GPHN: variants seen among roughly 807,000 people sequenced by gnomAD.
GPHN encodes gephyrin.
GPHN carries 17 observed loss-of-function variants against 95.5 expected under a neutral mutation model. The observed-to-expected ratio is 0.18, with a 90% confidence interval of 0.12 to 0.27. The LOEUF is 0.27. Ranked by LOEUF, GPHN falls within the 10% of genes least tolerant of loss-of-function variation. The probability of loss-of-function intolerance (pLI) is 1.00; values close to 1 mark genes in which losing one functional copy is unlikely to be tolerated. For missense variants in GPHN, 660 were observed against 978.1 expected (o/e 0.67, Z 4.34); for synonymous variants, 320 against 322.5 (o/e 0.99, Z 0.08).
intron 10 of GPHN, among the ~76,000 whole-genome samples, chr14:67,049,117 AT>A (rs200077506): frequency 6.6e-6 from 1 of 151,602 alleles, no homozygotes; most frequent in Non-Finnish European, 1.5e-5. Context: ...TTTTTTCTCA[AT>A]TTTTTTTTCT....
At chr14:66,581,497 A>G (rs574009409) in intron 1 of GPHN, among the ~76,000 whole-genome samples, 23 of 152,172 alleles carry the variant, frequency 1.5e-4, no homozygotes, top group African/African-American at 5.3e-4. Flanking sequence ...AAAGAATTAC[A>G]AAACAACCGG....
intron 5 of GPHN, among the ~76,000 whole-genome samples, chr14:66,902,366 T>G (rs954238742): frequency 1.3e-5 from 2 of 152,100 alleles, no homozygotes; most frequent in Admixed American, 6.6e-5. Flanking sequence ...CTTTGTTTCT[T>G]TCTCATGCCT....
intron 9 of GPHN, among the ~76,000 whole-genome samples, chr14:66,999,221 A>G (rs561980130): frequency 1.3e-5 from 2 of 152,056 alleles, no homozygotes; most frequent in East Asian, 3.9e-4. Context: ...GTTCAGGTTG[A>G]TTATATAGTT....
At chr14:66,942,826 A>G (rs1340214215) in intron 8 of GPHN, among the ~76,000 whole-genome samples, 3 of 152,202 alleles carry the variant, frequency 2.0e-5, no homozygotes, top group African/African-American at 4.8e-5. Flanking sequence ...AGGAAAAACA[A>G]TTTTGAAACT....
chr14:66,905,075 G>T (rs1192328694), intron 5 of GPHN, among the ~76,000 whole-genome samples: 1 of 151,972 alleles, frequency 6.6e-6, no homozygotes, highest in East Asian at 1.9e-4. Flanking sequence ...TTGTTGTTTT[G>T]ATGTGATTTT....
At chr14:67,403,580 T>C in the GPHN span, among the ~76,000 whole-genome samples, 1 of 152,230 alleles carries the variant, frequency 6.6e-6, no homozygotes, top group African/African-American at 2.4e-5. Context: ...AAGTGGAATG[T>C]GTTACAAGCA....
intron 2 of GPHN, chr14:66,760,710 G>T: frequency 2.2e-6 from 1 of 451,424 alleles, no homozygotes; most frequent in South Asian, 1.8e-5. Flanking sequence ...AAAGCAGCTG[G>T]CAAAGCACTT....
intron 4 of GPHN, among the ~76,000 whole-genome samples, chr14:66,855,282 C>T (rs748594796): frequency 2.0e-5 from 3 of 152,234 alleles, no homozygotes; most frequent in East Asian, 3.9e-4. Context: ...AATAACTCCC[C>T]ATTTCTTCCT....
the GPHN span, among the ~76,000 whole-genome samples, chr14:67,327,345 T>C: frequency 6.6e-6 from 1 of 151,974 alleles, no homozygotes; most frequent in South Asian, 2.1e-4. Context: ...TGCTAAACTG[T>C]TTTTAGTTTA....
At chr14:67,251,871 C>T in the GPHN span, among the ~76,000 whole-genome samples, 1 of 152,198 alleles carries the variant, frequency 6.6e-6, no homozygotes, top group Non-Finnish European at 1.5e-5. Context: ...CATGGGGCCC[C>T]ACCTTCAACC....
At chr14:66,761,447 A>G (rs2058751438) in intron 2 of GPHN, among the ~76,000 whole-genome samples, 1 of 152,178 alleles carries the variant, frequency 6.6e-6, no homozygotes, top group African/African-American at 2.4e-5. Context: ...AGTGTCAAAT[A>G]TTATTTTGAT....
At chr14:66,953,877 A>G (rs1411506454) in intron 8 of GPHN, among the ~76,000 whole-genome samples, 1 of 152,134 alleles carries the variant, frequency 6.6e-6, no homozygotes, top group Non-Finnish European at 1.5e-5. Context: ...TACTAAAAAT[A>G]CAAAAAAATT....
the GPHN span, among the ~76,000 whole-genome samples, chr14:67,603,109 G>A: frequency 9.3e-5 from 14 of 150,118 alleles, no homozygotes; most frequent in Admixed American, 8.6e-4. Context: ...CTCTGTCACC[G>A]AAAGCGGAGT....
intron 2 of GPHN, among the ~76,000 whole-genome samples, chr14:66,742,894 T>G (rs912996587): frequency 6.6e-6 from 1 of 152,244 alleles, no homozygotes; most frequent in Admixed American, 6.5e-5. Flanking sequence ...CCCGAGTAGT[T>G]GGGACCACAG....
the GPHN span, among the ~76,000 whole-genome samples, chr14:67,387,649 C>T: frequency 6.6e-6 from 1 of 152,222 alleles, no homozygotes; most frequent in Non-Finnish European, 1.5e-5. Context: ...CTCACCAGTG[C>T]CCTAAGGCCT....
chr14:67,616,326 G>A, the GPHN span: 1 of 152,264 alleles, frequency 6.6e-6, no homozygotes, highest in Non-Finnish European at 1.5e-5. Flanking sequence ...TACACTGTGG[G>A]GGCTGTAAAT....
chr14:67,392,662 A>G, the GPHN span: 1 of 1,608,450 alleles, frequency 6.2e-7, no homozygotes, highest in Non-Finnish European at 8.5e-7. Context: ...CCCAACTTAC[A>G]AAAGTGTACA....
At chr14:66,973,698 G>T (rs947529883) in intron 9 of GPHN, among the ~76,000 whole-genome samples, 1 of 152,178 alleles carries the variant, frequency 6.6e-6, no homozygotes, top group Non-Finnish European at 1.5e-5. Context: ...GGCGGAGGTT[G>T]CAGTGAGCTG....
chr14:66,513,401 G>A (rs1050042063), intron 1 of GPHN, among the ~76,000 whole-genome samples: 3 of 151,730 alleles, frequency 2.0e-5, no homozygotes, highest in Non-Finnish European at 4.4e-5. Flanking sequence ...TTTTTAGGGA[G>A]GAAGTGACGA....
Sources: gnomAD v4.1 joint callset for allele counts (sites outside exome capture counted in the v4.1 genomes callset) on GRCh38, gnomAD v4.1.1 for gene constraint, MANE v1.5 for transcripts, NCBI Gene and HGNC (gene_info 2026-07-23, HGNC 2026-07-21) for gene names.